Variants in UGT1A7 observed in about 807,000 individuals in gnomAD.
UGT1A7 encodes UDP-glucuronosyltransferase 1A7.
UGT1A7 carries 33 observed loss-of-function variants against 45.6 expected under a neutral mutation model. The ratio of observed to expected loss-of-function variants is 0.72; its 90% CI spans 0.55 to 0.97. The LOEUF (loss-of-function observed/expected upper bound fraction) is 0.97. Among genes scored for constraint, UGT1A7 ranks in the 50% least tolerant of loss-of-function variants. The pLI is 0.00. For synonymous variants in UGT1A7, 274 were observed against 250.6 expected (o/e 1.09, Z -0.88); for missense variants, 684 against 666.2 (o/e 1.03, Z -0.29).
intron 1 of UGT1A7, chr2:233,693,364 C>T (rs200083350): frequency 1.9e-6 from 3 of 1,614,138 alleles, no homozygotes; most frequent in Non-Finnish European, 2.5e-6. Context: ...TTGTTATTGG[C>T]CTGTACTTCA....
At chr2:233,719,751 A>G in intron 1 of UGT1A7, 1 of 1,612,694 alleles carries the variant, frequency 6.2e-7, no homozygotes, top group East Asian at 2.2e-5. Flanking sequence ...AAATGTATTT[A>G]CTTACAAGTG....
intron 1 of UGT1A7, chr2:233,690,489 C>G: frequency 7.8e-7 from 1 of 1,289,698 alleles, no homozygotes. Context: ...GGGAAATCTG[C>G]TCTTGCCAAC....
rs1362371317 is a variant in UGT1A7 at position 233,772,403 on chromosome 2, C to T, written c.1437C>T (p.Thr479=). The T allele has an allele frequency of 6.2e-7, 1 of 1,614,140 alleles. No individual in the cohort carries two copies. Among genetic ancestry groups the T allele is most frequent in the African/African-American group, 1.3e-5 (1 of 74,952 alleles). The part of the protein sequence containing the change: ...PHLRPAAHDL[T]WYQYHSLDVI... ...TGCGCCCCGCAGCCCACGACCTCAC[C>T]TGGTACCAGTACCATTCCTTGGACG... Residue 479 remains threonine (T), a synonymous_variant, in exon 5 of 5, where the codon ACC becomes ACT. Coordinates refer to ENST00000373426, the MANE Select transcript of UGT1A7 (RefSeq NM_019077.3).
chr2:233,762,461 T>G (rs1698085001), intron 1 of UGT1A7, among the ~76,000 whole-genome samples: 1 of 152,214 alleles, frequency 6.6e-6, no homozygotes, highest in African/African-American at 2.4e-5. Flanking sequence ...TTACCGATAA[T>G]GTCATGGATA....
At chr2:233,753,567 A>C (rs1321356357) in intron 1 of UGT1A7, 2 of 152,130 alleles carry the variant, frequency 1.3e-5, no homozygotes, top group African/African-American at 4.8e-5. Context: ...AGAAGATGGG[A>C]CCCTTTGTGA....
chr2:233,694,309 T>G (rs1192697951), intron 1 of UGT1A7, among the ~76,000 whole-genome samples: 3 of 152,040 alleles, frequency 2.0e-5, no homozygotes, highest in Non-Finnish European at 2.9e-5. Context: ...TTTTTGTTTT[T>G]TTTTTTCCTT....
intron 1 of UGT1A7, among the ~76,000 whole-genome samples, chr2:233,686,347 T>C (rs1575436324): frequency 6.6e-6 from 1 of 152,264 alleles, no homozygotes; most frequent in East Asian, 1.9e-4. Context: ...AAAGCTTTTG[T>C]ATATCAAAGG....
At position 233,681,985 on chromosome 2, in the gene UGT1A7, A is replaced by C; in HGVS notation, c.48A>C (p.Leu16=). The change falls in exon 1 of 5, where the codon CTA becomes CTC. Residue 16 remains leucine (L), a synonymous_variant. Transcript: ENST00000373426. The part of the protein sequence containing the change: ...WTGLLPLYVC[L]LLTCGFAKAG... ...GCCTCCTTCCCCTATATGTGTGTCT[A>C]CTGCTGACCTGTGGCTTTGCCAAGG... is the stretch of plus-strand genomic sequence containing the variant. 2 of 1,614,108 alleles carry C rather than the reference A, an allele frequency of 1.2e-6. No homozygotes were observed. Among genetic ancestry groups the C allele is most frequent in the Non-Finnish European group, 1.7e-6 (2 of 1,179,994 alleles).
chr2:233,723,945 C>G (rs1475718921), intron 1 of UGT1A7, among the ~76,000 whole-genome samples: 64 of 52,096 alleles, frequency 1.2e-3, no homozygotes, highest in Non-Finnish European at 1.5e-3. Flanking sequence ...TACACAGACA[C>G]GGCAACCATC....
rs199688431 is a variant in UGT1A7 at position 233,719,254 on chromosome 2, C to T, written c.855+36462C>T. ...CTGATCAGGCACCTGAATGCTACTTCCTTTGATGTGGTTTTAACAGACCCC... is the reference window on the plus strand; with the variant it reads ...CTGATCAGGCACCTGAATGCTACTTTCTTTGATGTGGTTTTAACAGACCCC... On this transcript the variant is annotated intron_variant, in intron 1 of 4. Transcript: ENST00000373426. 4.6e-5 allele frequency: 75 copies of T among 1,614,048 alleles called. No homozygotes were observed. The Middle Eastern group carries it at 2.5e-3, about 53-fold the overall frequency.
intron 1 of UGT1A7, among the ~76,000 whole-genome samples, chr2:233,758,245 A>C (rs1047370626): frequency 6.6e-6 from 1 of 152,214 alleles, no homozygotes; most frequent in African/African-American, 2.4e-5. Flanking sequence ...ATTGCCCACT[A>C]TTCAGATTAG....
Position 233,729,755 on chromosome 2 carries a change from G to T in UGT1A7, c.856-37279G>T, listed in dbSNP as rs2077920089. 1 of 1,613,802 alleles carries T rather than the reference G, an allele frequency of 6.2e-7. No homozygotes were observed. The highest frequency in any genetic ancestry group is 8.5e-7 in the Non-Finnish European group (1 of 1,179,862). On this transcript the variant is annotated intron_variant, in intron 1 of 4. Transcript: ENST00000373426. ...TCAGACCACATGACATTCATGCAAA[G>T]GGTCAAGAACATGCTCTACCCTCTG...
At chr2:233,688,287 C>T (rs532357511) in intron 1 of UGT1A7, among the ~76,000 whole-genome samples, 13 of 152,254 alleles carry the variant, frequency 8.5e-5, no homozygotes, top group South Asian at 2.1e-4. Context: ...ATGGATTTAC[C>T]GCATTTTTTT....
chr2:233,735,013 G>A (rs1042538145), intron 1 of UGT1A7, among the ~76,000 whole-genome samples: 1 of 152,194 alleles, frequency 6.6e-6, no homozygotes, highest in Non-Finnish European at 1.5e-5. Context: ...GGAGAGTTCT[G>A]TAGATGTCTA....
intron 1 of UGT1A7, chr2:233,748,181 C>A: frequency 1.3e-6 from 2 of 1,573,702 alleles, no homozygotes; most frequent in Non-Finnish European, 1.7e-6. Flanking sequence ...CTTTCTGGTG[C>A]TTTTATTTCT....
chr2:233,716,467 G>A (rs376929517), intron 1 of UGT1A7, among the ~76,000 whole-genome samples: 1 of 151,558 alleles, frequency 6.6e-6, no homozygotes, highest in African/African-American at 2.4e-5. Context: ...TTTAATTTTT[G>A]TTTCTGTCCT....
At chr2:233,747,969 T>G in intron 1 of UGT1A7, 1 of 1,613,504 alleles carries the variant, frequency 6.2e-7, no homozygotes. Flanking sequence ...CAGCCATGCA[T>G]CTGTGTGGCT....
At position 233,769,594 on chromosome 2, in the gene UGT1A7, G is replaced by T; in HGVS notation, c.1295+1155G>T. 1 of 1,612,864 alleles carries T rather than the reference G, an allele frequency of 6.2e-7. No homozygotes were observed. Among genetic ancestry groups the T allele is most frequent in the South Asian group, 1.1e-5 (1 of 91,060 alleles). ...GAGCATGTTCAGATGAGAGGAGACG[G>T]AACACGGGGACACACCAGCTTGAGC... On this transcript the variant is annotated intron_variant, in intron 4 of 4. Coordinates refer to ENST00000373426, the MANE Select transcript of UGT1A7 (RefSeq NM_019077.3). This position sits in a 1 kb window ranked among gnomAD's most constrained non-coding sequence, Gnocchi z 4.4.
At chr2:233,731,154 A>G (rs2125760855) in intron 1 of UGT1A7, among the ~76,000 whole-genome samples, 1 of 152,228 alleles carries the variant, frequency 6.6e-6, no homozygotes, top group East Asian at 1.9e-4. Context: ...TTTCTTTTTG[A>G]TCAAACGACA....
Sources: allele counts gnomAD v4.1 joint callset (sites outside exome capture counted in the v4.1 genomes callset), GRCh38; gene constraint gnomAD v4.1.1; non-coding constraint Gnocchi (gnomAD v3.1); transcripts MANE v1.5; gene names NCBI Gene and HGNC (gene_info 2026-07-23, HGNC 2026-07-21).